Variants in KCNH5 observed in about 807,000 individuals in gnomAD.
KCNH5 encodes voltage-gated delayed rectifier potassium channel KCNH5.
A neutral mutation model predicts 96.1 loss-of-function variants in KCNH5; 46 were observed. The observed-to-expected ratio is 0.48, with a 90% CI of 0.38 to 0.61. The LOEUF is 0.61. KCNH5 is among the 20% of genes least tolerant of loss of function. The probability of loss-of-function intolerance (pLI) is 0.00; values close to 1 mark genes in which losing one functional copy is unlikely to be tolerated. For synonymous variants in KCNH5, 439 were observed against 449.8 expected (o/e 0.98, Z 0.30); for missense variants, 907 against 1,225.8 (o/e 0.74, Z 3.88).
At chr14:62,970,933 T>G (rs1413008771) in intron 6 of KCNH5, among the ~76,000 whole-genome samples, 2 of 152,016 alleles carry the variant, frequency 1.3e-5, no homozygotes, top group African/African-American at 4.8e-5. Context: ...ACTAGAAGCT[T>G]TCCTATTAAG....
At chr14:62,957,075 G>A (rs1347746256) in intron 6 of KCNH5, among the ~76,000 whole-genome samples, 1 of 152,134 alleles carries the variant, frequency 6.6e-6, no homozygotes, top group Non-Finnish European at 1.5e-5. Flanking sequence ...AGGACTTTCA[G>A]CCATCAGCCT....
rs1213484157 is a variant in KCNH5 at position 62,799,726 on chromosome 14, T to TATACATAC, written c.1822+2602_1822+2603insGTATGTAT. ...ATATATATATATATATATATATATA[T>TATACATAC]ACACACACACACACACACATATCAG... is the stretch of plus-strand genomic sequence containing the variant. On this transcript the variant is annotated intron_variant, in intron 9 of 10. Transcript: ENST00000322893. 1.0e-4 allele frequency among the ~76,000 whole-genome samples: 7 copies of TATACATAC among 68,664 alleles called. No homozygotes were observed. The South Asian group carries it at 5.1e-3, about 50-fold the overall frequency. 45.0% of individuals were successfully genotyped at this position (68,664 alleles called of 152,430 possible).
chr14:62,879,638 A>G (rs1162960280), intron 7 of KCNH5, among the ~76,000 whole-genome samples: 1 of 152,186 alleles, frequency 6.6e-6, no homozygotes, highest in East Asian at 1.9e-4. Context: ...GCCAATTTTT[A>G]TATTACTATC....
chr14:62,875,422 C>T (rs1888351325), intron 7 of KCNH5, among the ~76,000 whole-genome samples: 1 of 152,218 alleles, frequency 6.6e-6, no homozygotes, highest in Admixed American at 6.5e-5. Context: ...GGAGGCATCA[C>T]TCTACCCCAC....
At chr14:62,957,768 C>G (rs1204632821) in intron 6 of KCNH5, among the ~76,000 whole-genome samples, 2 of 152,168 alleles carry the variant, frequency 1.3e-5, no homozygotes, top group Non-Finnish European at 2.9e-5. Flanking sequence ...ACAGAAGCAT[C>G]CCTTTGAGTC....
At chr14:63,040,352 C>G (rs1401010662) in intron 1 of KCNH5, among the ~76,000 whole-genome samples, 2 of 152,106 alleles carry the variant, frequency 1.3e-5, no homozygotes, top group South Asian at 4.1e-4. Flanking sequence ...ATCCCTCTAT[C>G]AGCAATGTGC....
intron 3 of KCNH5, among the ~76,000 whole-genome samples, chr14:63,003,092 C>T (rs1256853238): frequency 6.6e-6 from 1 of 152,072 alleles, no homozygotes; most frequent in African/African-American, 2.4e-5. Context: ...TGTTAGAAAT[C>T]TGAACAGAAA....
At chr14:62,847,558 C>G (rs1048935229) in intron 8 of KCNH5, among the ~76,000 whole-genome samples, 1 of 152,122 alleles carries the variant, frequency 6.6e-6, no homozygotes, top group Admixed American at 6.5e-5. Context: ...TTTAAATATG[C>G]TTCTCCTATT....
chr14:62,757,955 G>A (rs1885660972), intron 10 of KCNH5, among the ~76,000 whole-genome samples: 2 of 152,202 alleles, frequency 1.3e-5, no homozygotes, highest in African/African-American at 4.8e-5. Context: ...AGACCAGCCT[G>A]GCCAACATGG....
chr14:62,894,696 A>G (rs902362562), intron 7 of KCNH5, among the ~76,000 whole-genome samples: 4 of 152,186 alleles, frequency 2.6e-5, no homozygotes, highest in Non-Finnish European at 5.9e-5. Context: ...ATTACAAGCA[A>G]AAGGTTAATT....
chr14:62,873,871 T>C (rs17100484), intron 7 of KCNH5, among the ~76,000 whole-genome samples: 2,750 of 152,280 alleles, frequency 0.018, 77 homozygotes, highest in African/African-American at 0.062. Flanking sequence ...GCTCAATTGA[T>C]GGTCCATGCT....
rs138009134 is a variant in KCNH5, at chr14:62,997,770, G to A, written c.433+3561C>T. On this transcript the variant is annotated intron_variant, in intron 4 of 10. Coordinates refer to ENST00000322893, the MANE Select transcript of KCNH5 (RefSeq NM_139318.5). Reference sequence around the variant, plus strand: ...AAAAAATTAACCGGGCATGGTGGTGGGCGCCTGTAGTCCCAGCTACTTGGA... The same window carrying A: ...AAAAAATTAACCGGGCATGGTGGTGAGCGCCTGTAGTCCCAGCTACTTGGA... Among the ~76,000 whole-genome samples, 1,049 of 151,684 alleles carry A rather than the reference G, an allele frequency of 6.9e-3. 8 individuals carry two copies. Among genetic ancestry groups the A allele is most frequent in the Non-Finnish European group, 0.011 (734 of 67,858 alleles).
chr14:62,773,316 G>C (rs1466704984), intron 10 of KCNH5, among the ~76,000 whole-genome samples: 1 of 152,154 alleles, frequency 6.6e-6, no homozygotes, highest in Admixed American at 6.5e-5. Flanking sequence ...TTCTCTATTT[G>C]AAATGAAATC....
At chr14:62,816,590 C>T (rs556395506) in intron 8 of KCNH5, among the ~76,000 whole-genome samples, 5 of 151,976 alleles carry the variant, frequency 3.3e-5, no homozygotes, top group African/African-American at 1.2e-4. Flanking sequence ...GGAATTTAGT[C>T]CTCTGGAACC....
At chr14:62,937,141 A>C (rs186454170) in intron 7 of KCNH5, among the ~76,000 whole-genome samples, 65 of 152,258 alleles carry the variant, frequency 4.3e-4, no homozygotes, top group African/African-American at 1.5e-3. Context: ...TGGACACAAC[A>C]AATGACCATC....
intron 7 of KCNH5, among the ~76,000 whole-genome samples, chr14:62,913,609 C>A (rs148062772): frequency 6.6e-6 from 1 of 151,976 alleles, no homozygotes; most frequent in East Asian, 1.9e-4. Context: ...TTAGTAGGGA[C>A]CCCTTCTAAA....
intron 7 of KCNH5, among the ~76,000 whole-genome samples, chr14:62,855,630 G>A (rs1887912586): frequency 6.6e-6 from 1 of 152,212 alleles, no homozygotes; most frequent in South Asian, 2.1e-4. Flanking sequence ...CCTGGAGGAA[G>A]AGGGTAGTGA....
intron 7 of KCNH5, among the ~76,000 whole-genome samples, chr14:62,857,353 G>T (rs1887949538): frequency 6.6e-6 from 1 of 152,036 alleles, no homozygotes; most frequent in Admixed American, 6.6e-5. Flanking sequence ...TATTCAGATG[G>T]CTTGATCTCC....
intron 10 of KCNH5, among the ~76,000 whole-genome samples, chr14:62,772,393 C>A (rs1434203442): frequency 6.6e-6 from 1 of 152,060 alleles, no homozygotes; most frequent in Non-Finnish European, 1.5e-5. Flanking sequence ...AATCCCAGTA[C>A]TTCAAGAAGC....
Sources: gnomAD v4.1 joint callset for allele counts (sites outside exome capture counted in the v4.1 genomes callset) on GRCh38, gnomAD v4.1.1 for gene constraint, MANE v1.5 for transcripts, NCBI Gene and HGNC (gene_info 2026-07-23, HGNC 2026-07-21) for gene names.